CDH18: variants seen among roughly 807,000 people sequenced by gnomAD.
CDH18 encodes the protein cadherin-18.
A neutral mutation model predicts 67.9 loss-of-function variants in CDH18; 31 were observed. The ratio of observed to expected loss-of-function variants is 0.46; its 90% CI spans 0.34 to 0.62. The LOEUF (loss-of-function observed/expected upper bound fraction) is 0.62. CDH18 is among the 20% of genes least tolerant of loss of function. CDH18 has a pLI of 0.01. For missense variants in CDH18, 890 were observed against 975.5 expected (o/e 0.91, Z 1.17); for synonymous variants, 362 against 347.2 (o/e 1.04, Z -0.48).
At chr5:20,333,520 A>ATAT (rs1561980190) in intron 1 of CDH18, among the ~76,000 whole-genome samples, 3 of 115,734 alleles carry the variant, frequency 2.6e-5, no homozygotes, top group African/African-American at 5.5e-5. Context: ...AAAAAAAAAC[A>ATAT]ATATATATAC....
chr5:19,720,249 T>A (rs190556613), intron 5 of CDH18, among the ~76,000 whole-genome samples: 1 of 152,140 alleles, frequency 6.6e-6, no homozygotes, highest in South Asian at 2.1e-4. Flanking sequence ...TATATAATTA[T>A]AGAAGTATAA....
intron 1 of CDH18, among the ~76,000 whole-genome samples, chr5:20,552,065 ACAT>A (rs1043565078): frequency 2.0e-5 from 3 of 152,140 alleles, no homozygotes; most frequent in Non-Finnish European, 4.4e-5. Flanking sequence ...TATTCAAGAA[ACAT>A]CATACAATAG....
At chr5:19,689,351 A>G (rs1761538964) in intron 5 of CDH18, among the ~76,000 whole-genome samples, 1 of 152,052 alleles carries the variant, frequency 6.6e-6, no homozygotes, top group Non-Finnish European at 1.5e-5. Context: ...CTTACAGGCC[A>G]GGAGAGTATA....
chr5:19,825,345 C>T (rs201939421), intron 3 of CDH18, among the ~76,000 whole-genome samples: 3 of 152,088 alleles, frequency 2.0e-5, no homozygotes, highest in East Asian at 1.9e-4. Context: ...CTCAAAAACA[C>T]GCAGACAGCA....
intron 1 of CDH18, among the ~76,000 whole-genome samples, chr5:20,509,743 T>C (rs1754910151): frequency 2.0e-5 from 1 of 48,982 alleles, no homozygotes; most frequent in Admixed American, 2.2e-4. Context: ...TAAGGTTGCA[T>C]AGTATTCCAT....
intron 1 of CDH18, among the ~76,000 whole-genome samples, chr5:20,352,605 C>T (rs1051226608): frequency 6.8e-6 from 1 of 147,342 alleles, no homozygotes; most frequent in Non-Finnish European, 1.5e-5. Context: ...ACGGTGAAAC[C>T]CCGTCTCTAC....
chr5:20,387,828 A>T (rs1485936955), intron 1 of CDH18, among the ~76,000 whole-genome samples: 1 of 151,708 alleles, frequency 6.6e-6, no homozygotes, highest in African/African-American at 2.4e-5. Flanking sequence ...AGATAATCAC[A>T]TGGTTTTTGT....
At chr5:19,732,311 A>C (rs1767713805) in intron 4 of CDH18, among the ~76,000 whole-genome samples, 1 of 152,030 alleles carries the variant, frequency 6.6e-6, no homozygotes, top group Admixed American at 6.5e-5. Flanking sequence ...AAAATTATAC[A>C]GATGTTGTGG....
At chr5:19,805,847 C>G (rs1465956548) in intron 3 of CDH18, among the ~76,000 whole-genome samples, 1 of 152,166 alleles carries the variant, frequency 6.6e-6, no homozygotes, top group Non-Finnish European at 1.5e-5. Context: ...AACAAAGCAT[C>G]CTCTCTGATG....
intron 2 of CDH18, among the ~76,000 whole-genome samples, chr5:19,964,612 C>T (rs560689430): frequency 4.9e-5 from 7 of 143,946 alleles, no homozygotes; most frequent in African/African-American, 1.8e-4. Flanking sequence ...TGTGCCACTG[C>T]ACTCCAGCCT....
chr5:20,358,851 T>C (rs565330563), intron 1 of CDH18, among the ~76,000 whole-genome samples: 4 of 152,012 alleles, frequency 2.6e-5, no homozygotes, highest in African/African-American at 9.6e-5. Context: ...TATACATATG[T>C]ACATATAAAA....
chr5:19,558,436 G>C (rs1738845703), intron 8 of CDH18, among the ~76,000 whole-genome samples: 1 of 151,844 alleles, frequency 6.6e-6, no homozygotes, highest in South Asian at 2.1e-4. Flanking sequence ...ATCCAAAAAA[G>C]CTCAATTAGA....
chr5:19,775,097 G>T (rs182880536), intron 3 of CDH18, among the ~76,000 whole-genome samples: 5 of 152,204 alleles, frequency 3.3e-5, no homozygotes, highest in African/African-American at 1.2e-4. Context: ...TCCCAGCAGG[G>T]GCAGCAGTGA....
chr5:20,022,739 C>G (rs1028967953), intron 2 of CDH18, among the ~76,000 whole-genome samples: 3 of 152,034 alleles, frequency 2.0e-5, no homozygotes, highest in African/African-American at 7.2e-5. Flanking sequence ...GGTAATTTAA[C>G]TTTTACATAT....
intron 2 of CDH18, among the ~76,000 whole-genome samples, chr5:20,234,252 C>A (rs1031808111): frequency 2.0e-5 from 3 of 152,194 alleles, no homozygotes; most frequent in East Asian, 1.9e-4. Flanking sequence ...AACCCTTATT[C>A]ATTTTCTCTT....
chr5:20,013,437 C>A (rs1737628683), intron 2 of CDH18, among the ~76,000 whole-genome samples: 1 of 151,978 alleles, frequency 6.6e-6, no homozygotes, highest in Admixed American at 6.6e-5. Flanking sequence ...AAAAATAGGG[C>A]TTGACTTATG....
chr5:19,660,498 A>T (rs1258585016), intron 5 of CDH18, among the ~76,000 whole-genome samples: 2 of 152,132 alleles, frequency 1.3e-5, no homozygotes, highest in African/African-American at 4.8e-5. Context: ...ATTCTGTCAT[A>T]AGAAGCTAAA....
chr5:19,485,286 C>T (rs1255501639), intron 11 of CDH18, among the ~76,000 whole-genome samples: 3 of 148,354 alleles, frequency 2.0e-5, no homozygotes, highest in Admixed American at 6.7e-5. Context: ...GATGGCGTCT[C>T]GCTCTGTTGC....
intron 9 of CDH18, among the ~76,000 whole-genome samples, chr5:19,521,650 A>G (rs532107853): frequency 6.6e-6 from 1 of 152,186 alleles, no homozygotes; most frequent in South Asian, 2.1e-4. Flanking sequence ...GGGAATAAAT[A>G]CTTATAGAGA....
Sources: allele counts gnomAD v4.1 joint callset (sites outside exome capture counted in the v4.1 genomes callset), GRCh38; gene constraint gnomAD v4.1.1; transcripts MANE v1.5; gene names NCBI Gene and HGNC (gene_info 2026-07-23, HGNC 2026-07-21).